The following RGS10 variants were observed in gnomAD, a reference collection of about 807,000 sequenced individuals.
The protein encoded by RGS10 is regulator of G-protein signalling 10.
RGS10 carries 11 observed loss-of-function variants against 23.5 expected under a neutral mutation model. That is an observed-to-expected ratio of 0.47 (90% confidence interval 0.29 to 0.77). RGS10 has a LOEUF of 0.77. Among genes scored for constraint, RGS10 ranks in the 30% least tolerant of loss-of-function variants. RGS10 has a pLI of 0.08. For missense variants in RGS10, 180 were observed against 226.3 expected, an observed-to-expected ratio of 0.80 and a Z score of 1.31; for synonymous variants, 77 against 83.2, an observed-to-expected ratio of 0.92 and a Z score of 0.41.
At position 119,524,465 on chromosome 10, in the gene RGS10, A is replaced by T. The variant is rs533379244; in HGVS notation, c.255+1567T>A. On this transcript the variant is annotated intron_variant, in intron 3 of 4. Coordinates refer to ENST00000369103, the MANE Select transcript of RGS10 (RefSeq NM_001005339.2). This position sits in a 1 kb window ranked among gnomAD's most constrained non-coding sequence, Gnocchi z 5.2. ...AAAAGAATAAGGCAGGGGAATGGAC[A>T]TCTGTTGGCTTGCTTGACTCTGAGC... 1.3e-5 allele frequency among the ~76,000 whole-genome samples: 2 copies of T among 152,130 alleles called. No homozygotes were observed. Among genetic ancestry groups the T allele is most frequent in the Non-Finnish European group, 2.9e-5 (2 of 68,006 alleles).
At chr10:119,521,442 T>C (rs1844211118) in intron 3 of RGS10, among the ~76,000 whole-genome samples, 1 of 150,648 alleles carries the variant, frequency 6.6e-6, no homozygotes, top group African/African-American at 2.4e-5. Flanking sequence ...TGTTGGAGGG[T>C]GCCTGTAATC....
Position 119,542,629 on chromosome 10 carries a change from G to A in RGS10, c.10C>T (p.Arg4Cys). The change falls in exon 1 of 5, where the codon CGC (arginine) becomes TGC (cysteine). Residue 4 changes from arginine (R) to cysteine (C), a missense_variant. By Grantham distance (180) the Arg-to-Cys change is radical (BLOSUM62 -3). Transcript: ENST00000369103. Reference sequence around the variant, plus strand: ...TTCCTGCTCAGCCGGCTCACGGCGCGGTTGAACATCGCCGCGGGCGCCCGA... The same window carrying A: ...TTCCTGCTCAGCCGGCTCACGGCGCAGTTGAACATCGCCGCGGGCGCCCGA... The part of the protein sequence containing the change: MFN[R>C]AVSRLSRKRP... The A allele has an allele frequency of 7.1e-7, 1 of 1,418,428 alleles. No individual in the cohort carries two copies. Among genetic ancestry groups the A allele is most frequent in the Non-Finnish European group, 9.2e-7 (1 of 1,082,474 alleles). The allele number at this position is 1,418,428 out of a possible 1,614,324, so 87.9% of individuals were successfully genotyped here.
At position 119,538,745 on chromosome 10, in the gene RGS10, T is replaced by A. The variant is rs1844411442; in HGVS notation, c.49+3845A>T. ...CCAGCGGATGCCGCCTGACAGCTCT[T>A]ATCAAGGGGCCACTGCTGCTGCCTG... On this transcript the variant is annotated intron_variant, in intron 1 of 4. Coordinates refer to ENST00000369103, the MANE Select transcript of RGS10 (RefSeq NM_001005339.2). This position sits in a 1 kb window ranked among gnomAD's most constrained non-coding sequence, Gnocchi z 4.5. Among the ~76,000 whole-genome samples the A allele has an allele frequency of 6.6e-6, 1 of 152,092 alleles. No homozygotes were observed. Among genetic ancestry groups the A allele is most frequent in the East Asian group, 1.9e-4 (1 of 5,178 alleles).
rs17098941 is a variant in RGS10, at chr10:119,500,239, G to A, written c.420C>T (p.Tyr140=). Residue 140 remains tyrosine (Y), a synonymous_variant, in exon 5 of 5, where the codon TAC becomes TAT. Transcript: ENST00000369103. ...ACTTTAAGAAGCGGCTGTAGCTGTC[G>A]TACTTCATGAGATTAAAGATCTAAG... is the stretch of plus-strand genomic sequence containing the variant. The part of the protein sequence containing the change: ...LQDQIFNLMK[Y]DSYSRFLKSD... 4,014 of 1,612,504 alleles carry A rather than the reference G, an allele frequency of 2.5e-3. 10 individuals carry two copies. Among genetic ancestry groups the A allele is most frequent in the Non-Finnish European group, 2.8e-3 (3,305 of 1,179,644 alleles).
rs776062055 is a variant in RGS10, at chr10:119,500,218, T to G, written c.441A>C (p.Leu147Phe). 1 of 1,614,010 alleles carries G rather than the reference T, an allele frequency of 6.2e-7. No homozygotes were observed. Residue 147 changes from leucine (L) to phenylalanine (F), a missense_variant, in exon 5 of 5, where the codon TTA becomes TTC. Transcript: ENST00000369103. ...TGTGTTTTAAAAACAAGTCAGACTT[T>G]AAGAAGCGGCTGTAGCTGTCGTACT... ...LMKYDSYSRF[L>F]KSDLFLKHKR...
At position 119,517,426 on chromosome 10, in the gene RGS10, G is replaced by C. The variant is rs1844159190; in HGVS notation, c.256-1774C>G. ...GGACAGGTCTGGGGGCCATCCTCGA[G>C]ACCCAAGGGGGTGGCACTTAGGAGC... On this transcript the variant is annotated intron_variant, in intron 3 of 4. Transcript: ENST00000369103. The surrounding 1 kb of genome is among the most constrained non-coding windows in gnomAD (Gnocchi z 5.0). Among the ~76,000 whole-genome samples, 1 of 152,130 alleles carries C rather than the reference G, an allele frequency of 6.6e-6. No homozygotes were observed. Among genetic ancestry groups the C allele is most frequent in the African/African-American group, 2.4e-5 (1 of 41,438 alleles).
chr10:119,526,074 C>T lies in RGS10; in HGVS notation c.213G>A (p.Trp71Ter). The T allele has an allele frequency of 6.3e-7, 1 of 1,580,288 alleles. No individual in the cohort carries two copies. Among genetic ancestry groups the T allele is most frequent in the Non-Finnish European group, 8.6e-7 (1 of 1,162,670 alleles). ...TTTTCTTAAAATCTTCACATGCTAGCCAAAACAAAACATTTTCTTCACTGA... is the reference window on the plus strand; with the variant it reads ...TTTTCTTAAAATCTTCACATGCTAGTCAAAACAAAACATTTTCTTCACTGA... ...KEFSEENVLFWLACEDFKKMQ... is the reference protein window; with the variant it reads ...KEFSEENVLF The change falls in exon 3 of 5, where the codon TGG becomes TGA. Residue 71 changes from tryptophan to a stop codon, truncating the protein, a stop_gained. Transcript: ENST00000369103. LOFTEE classifies it high-confidence loss of function.
At chr10:119,505,050 C>T (rs573374593) in intron 4 of RGS10, among the ~76,000 whole-genome samples, 1 of 152,190 alleles carries the variant, frequency 6.6e-6, no homozygotes, top group South Asian at 2.1e-4. Flanking sequence ...ATGAGATGGG[C>T]CTAGGGGTCC....
intron 1 of RGS10, among the ~76,000 whole-genome samples, chr10:119,541,087 C>A (rs953826752): frequency 6.6e-6 from 1 of 152,206 alleles, no homozygotes; most frequent in African/African-American, 2.4e-5. Flanking sequence ...CTCTTGCAAG[C>A]CAGTTTGAGC....
At position 119,518,747 on chromosome 10, in the gene RGS10, C is replaced by T. The variant is rs1200421942; in HGVS notation, c.256-3095G>A. Among the ~76,000 whole-genome samples, 5 of 151,870 alleles carry T rather than the reference C, an allele frequency of 3.3e-5. No individual in the cohort carries two copies. The East Asian group carries it at 9.7e-4, about 29-fold the overall frequency. On this transcript the variant is annotated intron_variant, in intron 3 of 4. Transcript: ENST00000369103. ...TTCAAGATGGAGTCTCACTGTCGCCCAGGCTGGAGTGCAGTGGCGCGATCT... is the reference window on the plus strand; with the variant it reads ...TTCAAGATGGAGTCTCACTGTCGCCTAGGCTGGAGTGCAGTGGCGCGATCT...
chr10:119,505,720 G>A (rs530311883), intron 4 of RGS10, among the ~76,000 whole-genome samples: 19 of 152,306 alleles, frequency 1.2e-4, no homozygotes, highest in South Asian at 8.3e-4. Context: ...GTGCAGAAAC[G>A]AGGACCTCAA....
At chr10:119,526,662 A>G (rs1844276218) in intron 2 of RGS10, among the ~76,000 whole-genome samples, 1 of 152,220 alleles carries the variant, frequency 6.6e-6, no homozygotes, top group Non-Finnish European at 1.5e-5. Flanking sequence ...GCGACCAGGA[A>G]CTAGAAGCCT....
intron 1 of RGS10, among the ~76,000 whole-genome samples, chr10:119,528,921 T>C (rs1476483785): frequency 6.6e-6 from 1 of 152,176 alleles, no homozygotes; most frequent in Non-Finnish European, 1.5e-5. Context: ...TCTTACATTT[T>C]GGTGCACAGA....
chr10:119,542,633 G>A lies in RGS10; in HGVS notation c.6C>T (p.Phe2=). The A allele has an allele frequency of 7.1e-7, 1 of 1,414,552 alleles. No homozygotes were observed. The highest frequency in any genetic ancestry group is 3.1e-5 in the East Asian group (1 of 32,510). The allele number at this position is 1,414,552 out of a possible 1,614,324, so 87.6% of individuals were successfully genotyped here. A position where few individuals can be genotyped will look rare whatever the true frequency, so the allele number is the denominator to read the frequency against. The stretch of plus-strand genomic sequence containing the variant: ...TGCTCAGCCGGCTCACGGCGCGGTT[G>A]AACATCGCCGCGGGCGCCCGAGGAG... M[F]NRAVSRLSRK... is the part of the protein sequence containing the mutation. Residue 2 remains phenylalanine, a synonymous_variant, in exon 1 of 5, where the codon TTC becomes TTT. Coordinates refer to ENST00000369103, the MANE Select transcript of RGS10 (RefSeq NM_001005339.2).
At chr10:119,500,695 G>T (rs770811721) in intron 4 of RGS10, among the ~76,000 whole-genome samples, 2 of 150,558 alleles carry the variant, frequency 1.3e-5, no homozygotes, top group Non-Finnish European at 2.9e-5. Context: ...TGCCAGCATT[G>T]TTAAGACTCC....
rs572742352 is a variant in RGS10, at chr10:119,512,154, G to C, written c.399+3355C>G. On this transcript the variant is annotated intron_variant, in intron 4 of 4. Transcript: ENST00000369103. The stretch of plus-strand genomic sequence containing the variant: ...CGTGGTGATGAGGGGCTAAGTTCGG[G>C]GGCGGCGGTGCTGAACACAGGAAAG... Among the ~76,000 whole-genome samples the C allele has an allele frequency of 1.2e-4, 18 of 152,246 alleles. No individual in the cohort carries two copies. The East Asian group carries it at 2.9e-3, about 25-fold the overall frequency.
intron 3 of RGS10, among the ~76,000 whole-genome samples, chr10:119,518,722 T>C (rs1387513089): frequency 2.0e-5 from 3 of 151,734 alleles, no homozygotes; most frequent in Non-Finnish European, 2.9e-5. Context: ...CTTTTTTTTT[T>C]TCAAGATGGA....
At chr10:119,537,673 G>A (rs1172784136) in intron 1 of RGS10, among the ~76,000 whole-genome samples, 1 of 152,168 alleles carries the variant, frequency 6.6e-6, no homozygotes, top group Admixed American at 6.5e-5. Context: ...ATTGAGGAGA[G>A]GAGGCCAGGG....
At chr10:119,521,466 A>C (rs1338022995) in intron 3 of RGS10, among the ~76,000 whole-genome samples, 1 of 151,798 alleles carries the variant, frequency 6.6e-6, no homozygotes, top group Non-Finnish European at 1.5e-5. Context: ...GCTACTTGGG[A>C]GGCTGAGGTA....
Sources: gnomAD v4.1 joint callset for allele counts (sites outside exome capture counted in the v4.1 genomes callset) on GRCh38, gnomAD v4.1.1 for gene constraint, Gnocchi (gnomAD v3.1) non-coding constraint, MANE v1.5 for transcripts, NCBI Gene and HGNC (gene_info 2026-07-23, HGNC 2026-07-21) for gene names.